GLT8D2: variants seen among roughly 807,000 people sequenced by gnomAD.
The protein encoded by GLT8D2 is glycosyltransferase 8 domain-containing protein 2.
In GLT8D2, 45 loss-of-function variants were observed where a neutral mutation model predicts 44.5. The observed-to-expected ratio is 1.01, with a 90% CI of 0.80 to 1.30. GLT8D2 has a LOEUF of 1.30. GLT8D2 is among the 50% of genes most tolerant of loss of function. The probability of loss-of-function intolerance (pLI) is 0.00; values close to 1 mark genes in which losing one functional copy is unlikely to be tolerated. For missense variants in GLT8D2, 400 were observed against 430.4 expected (o/e 0.93, Z 0.62); for synonymous variants, 156 against 157.2 (o/e 0.99, Z 0.06).
intron 4 of GLT8D2, among the ~76,000 whole-genome samples, chr12:104,009,322 T>C (rs1157711523): frequency 1.3e-5 from 2 of 152,252 alleles, no homozygotes; most frequent in Non-Finnish European, 2.9e-5. Flanking sequence ...GAGATCATTT[T>C]GGAGCTTTAA....
intron 5 of GLT8D2, among the ~76,000 whole-genome samples, chr12:104,001,215 C>G (rs897310678): frequency 4.6e-5 from 7 of 152,226 alleles, no homozygotes; most frequent in Non-Finnish European, 1.0e-4. Context: ...TCTGCTTAGA[C>G]AGAGTGCCTT....
At chr12:104,014,209 G>T (rs997110632) in intron 4 of GLT8D2, 26 of 665,690 alleles carry the variant, frequency 3.9e-5, no homozygotes, top group Non-Finnish European at 5.5e-5. Context: ...CAAAAAATTA[G>T]CTGGGCGTGG....
chr12:104,059,817 T>G (rs972692711), intron 1 of GLT8D2, among the ~76,000 whole-genome samples: 4 of 152,204 alleles, frequency 2.6e-5, no homozygotes, highest in African/African-American at 9.6e-5. Context: ...GACCTTTTGT[T>G]TGCAACTGGA....
At chr12:104,028,262 T>A (rs1231950827) in intron 1 of GLT8D2, among the ~76,000 whole-genome samples, 1 of 151,996 alleles carries the variant, frequency 6.6e-6, no homozygotes, top group Admixed American at 6.6e-5. Flanking sequence ...CAACAGAAAG[T>A]TTGCTTTAAA....
rs937620969 is a variant in GLT8D2 at position 104,011,955 on chromosome 12, T to C, written c.112+3058A>G. On this transcript the variant is annotated intron_variant, in intron 4 of 10. Coordinates refer to ENST00000360814, the MANE Select transcript of GLT8D2 (RefSeq NM_001384711.1). ...GGGACACTAAGGTGGGCAGATCATC[T>C]GAGGTCAGGCGTTTGAGACCAGCTT... is the stretch of plus-strand genomic sequence containing the variant. 1.1e-3 allele frequency among the ~76,000 whole-genome samples: 164 copies of C among 151,986 alleles called. 3 individuals are homozygous for C. The highest frequency in any genetic ancestry group is 8.8e-5 in the Non-Finnish European group (6 of 67,980).
At chr12:104,007,265 T>TCTCTCTCTCTCTCTCTCC (rs377119502) in intron 4 of GLT8D2, among the ~76,000 whole-genome samples, 5 of 136,282 alleles carry the variant, frequency 3.7e-5, no homozygotes, top group South Asian at 2.5e-4. Flanking sequence ...TCTCTCTCTC[T>TCTCTCTCTCTCTCTCTCC]CCCCCCGCTC....
chr12:103,995,126 G>T (rs1410948822), intron 8 of GLT8D2, among the ~76,000 whole-genome samples: 1 of 152,024 alleles, frequency 6.6e-6, no homozygotes, highest in Non-Finnish European at 1.5e-5. Flanking sequence ...TCCTGTTCAG[G>T]CCATAATTGC....
At chr12:104,027,011 A>G (rs1439173970) in intron 1 of GLT8D2, among the ~76,000 whole-genome samples, 1 of 152,244 alleles carries the variant, frequency 6.6e-6, no homozygotes, top group Non-Finnish European at 1.5e-5. Flanking sequence ...CCACAGTTTC[A>G]TGAACCAAAG....
intron 1 of GLT8D2, among the ~76,000 whole-genome samples, chr12:104,041,531 G>A (rs1422924240): frequency 1.3e-5 from 2 of 152,178 alleles, no homozygotes; most frequent in Non-Finnish European, 2.9e-5. Flanking sequence ...AACACAGATC[G>A]CACCACTGCA....
chr12:104,047,325 A>C (rs1283143983), intron 1 of GLT8D2, among the ~76,000 whole-genome samples: 2 of 127,212 alleles, frequency 1.6e-5, no homozygotes. Context: ...TTTTTTTGAG[A>C]TGGAGTTTCG....
intron 4 of GLT8D2, among the ~76,000 whole-genome samples, chr12:104,013,988 C>T (rs1196254907): frequency 6.6e-6 from 1 of 152,210 alleles, no homozygotes; most frequent in Non-Finnish European, 1.5e-5. Context: ...AAGTGATCCT[C>T]CCGCCTCAGC....
intron 1 of GLT8D2, chr12:104,031,459 C>A (rs1879246273): frequency 6.2e-7 from 1 of 1,613,100 alleles, no homozygotes; most frequent in Admixed American, 1.7e-5. Flanking sequence ...TGAAGCCTAT[C>A]AAGCCCATGC....
At chr12:104,046,682 A>T (rs1881181754) in intron 1 of GLT8D2, among the ~76,000 whole-genome samples, 1 of 152,252 alleles carries the variant, frequency 6.6e-6, no homozygotes, top group African/African-American at 2.4e-5. Context: ...TAACAGGACA[A>T]GAGTAAGAAT....
At chr12:104,033,879 G>A (rs1223884355) in intron 1 of GLT8D2, among the ~76,000 whole-genome samples, 5 of 151,516 alleles carry the variant, frequency 3.3e-5, no homozygotes, top group African/African-American at 7.3e-5. Context: ...GTGTAGTAGT[G>A]CAATCATAGC....
At position 104,003,056 on chromosome 12, in the gene GLT8D2, GAGGT is replaced by G. The variant is rs1276437622; in HGVS notation, c.284+75_284+78del. On this transcript the variant is annotated intron_variant, in intron 5 of 10. Transcript: ENST00000360814. ...CAAGAAAGAAAGAAAAGAAGAAGAA[GAGGT>G]AGGGAGGGAGGGAGGGAGGGAAGGA... 8 of 1,034,428 alleles carry G rather than the reference GAGGT, an allele frequency of 7.7e-6. No individual in the cohort carries two copies. In the East Asian group the frequency reaches 1.2e-4, roughly 16 times the overall value. 64.1% of individuals were successfully genotyped at this position (1,034,428 alleles called of 1,614,324 possible). A position where few individuals can be genotyped will look rare whatever the true frequency, so the allele number is the denominator to read the frequency against.
intron 4 of GLT8D2, 30 bp from the exon 5 acceptor site, chr12:104,003,336 C>T (rs377753262): frequency 6.2e-6 from 10 of 1,606,740 alleles, no homozygotes; most frequent in African/African-American, 2.7e-5. Flanking sequence ...TGTCTTGGAA[C>T]ATGAAAGAAT....
intron 10 of GLT8D2, among the ~76,000 whole-genome samples, chr12:103,991,413 C>A (rs2629779): frequency 0.14 from 21,183 of 152,054 alleles, 1,625 homozygotes; most frequent in Admixed American, 0.2. Flanking sequence ...GTCTTGAACT[C>A]CTGACCTCAA....
chr12:104,034,258 G>A (rs945723475), intron 1 of GLT8D2, among the ~76,000 whole-genome samples: 1 of 152,190 alleles, frequency 6.6e-6, no homozygotes, highest in African/African-American at 2.4e-5. Context: ...ATTTCCAACT[G>A]AGGTACCTCG....
intron 10 of GLT8D2, among the ~76,000 whole-genome samples, chr12:103,992,553 C>T (rs546813125): frequency 3.6e-4 from 53 of 146,898 alleles, no homozygotes; most frequent in African/African-American, 1.3e-3. Flanking sequence ...AGTGCAGTGG[C>T]GCAATCGTAG....
Sources: gnomAD v4.1 joint callset for allele counts (sites outside exome capture counted in the v4.1 genomes callset) on GRCh38, gnomAD v4.1.1 for gene constraint, MANE v1.5 for transcripts, NCBI Gene and HGNC (gene_info 2026-07-23, HGNC 2026-07-21) for gene names.